The following ATP10B variants were observed in gnomAD, a reference collection of about 807,000 sequenced individuals.
ATP10B encodes the protein ATPase phospholipid transporting 10B (putative).
A neutral mutation model predicts 141.2 loss-of-function variants in ATP10B; 122 were observed. The ratio of observed to expected loss-of-function variants is 0.86; its 90% CI spans 0.75 to 1.00. The LOEUF (loss-of-function observed/expected upper bound fraction) is 1.00. Ranked by LOEUF, ATP10B falls within the 50% of genes least tolerant of loss-of-function variation. ATP10B has a pLI of 0.00. For missense variants in ATP10B, 1,876 were observed against 1,825.3 expected, an observed-to-expected ratio of 1.03 and a Z score of -0.51; for synonymous variants, 685 against 692.0, an observed-to-expected ratio of 0.99 and a Z score of 0.16.
In ATP10B at chr5:160,599,088, G is replaced by T. The variant is rs537902467; in HGVS notation, c.3364-118C>A. The stretch of plus-strand genomic sequence containing the variant: ...AGTTGCCTCATTTATAACACACAGG[G>T]TTATGTAAGGATGAGAGAGAATTCT... On this transcript the variant is annotated intron_variant, in intron 21 of 25. Transcript: ENST00000327245. 10 of 789,450 alleles carry T rather than the reference G, an allele frequency of 1.3e-5. No individual in the cohort carries two copies. In the East Asian group the frequency reaches 2.1e-4, roughly 16 times the overall value. The allele number at this position is 789,450 out of a possible 1,614,324, so 48.9% of individuals were successfully genotyped here. A position where few individuals can be genotyped will look rare whatever the true frequency, so the allele number is the denominator to read the frequency against.
At chr5:160,884,443 ATATT>A in the ATP10B span, among the ~76,000 whole-genome samples, 11 of 152,186 alleles carry the variant, frequency 7.2e-5, no homozygotes, top group Admixed American at 7.2e-4. Flanking sequence ...AAATAATATC[ATATT>A]TATGTCTATA....
intron 1 of ATP10B, among the ~76,000 whole-genome samples, chr5:160,806,454 G>A (rs1247947576): frequency 1.3e-5 from 2 of 152,166 alleles, no homozygotes; most frequent in African/African-American, 4.8e-5. Context: ...ACACACATAA[G>A]GTTATCCCCC....
rs770923554 is a variant in ATP10B at position 160,640,641 on chromosome 5, G to A, written c.869-49C>T. 1.9e-6 allele frequency: 3 copies of A among 1,595,594 alleles called. No homozygotes were observed. In the Admixed American group the frequency reaches 5.2e-5, roughly 27 times the overall value. The stretch of plus-strand genomic sequence containing the variant: ...AGTCCCTTAGTTCCTGTTTGCCTAT[G>A]TCTTACACCATTCCCTCAGCTCTTC... On this transcript the variant is annotated intron_variant, in intron 9 of 25. Coordinates refer to ENST00000327245, the MANE Select transcript of ATP10B (RefSeq NM_025153.3).
At chr5:160,873,123 G>GT in the ATP10B span, among the ~76,000 whole-genome samples, 1,841 of 91,370 alleles carry the variant, frequency 0.02, 41 homozygotes, top group Middle Eastern at 0.054. Context: ...GGTTTTTTTT[G>GT]TTTTTTTTTT....
Position 160,632,211 on chromosome 5 carries a change from A to AC in ATP10B, c.1537dup (p.Val513GlyfsTer16). ...TTGCCGGTAGTGGCCCTGGATGGGC[A>AC]CCCGGGCACTCTGGCTCCTCCTCAG... On this transcript the variant is annotated frameshift_variant, in exon 13 of 26. Coordinates refer to ENST00000327245, the MANE Select transcript of ATP10B (RefSeq NM_025153.3). LOFTEE classifies it high-confidence loss of function. 1 of 1,614,112 alleles carries AC rather than the reference A, an allele frequency of 6.2e-7. No homozygotes were observed. The highest frequency in any genetic ancestry group is 8.5e-7 in the Non-Finnish European group (1 of 1,180,004).
rs574902928 is a variant in ATP10B, at chr5:160,805,013, T to A, written c.-575-19210A>T. On this transcript the variant is annotated intron_variant, in intron 1 of 25. Coordinates refer to ENST00000327245, the MANE Select transcript of ATP10B (RefSeq NM_025153.3). ...AAATATTGTATTTTCAATTTGTATT[T>A]GGCCAAAAAAAAGCTGTGCATACAT... is the stretch of plus-strand genomic sequence containing the variant. Among the ~76,000 whole-genome samples, 41 of 152,286 alleles carry A rather than the reference T, an allele frequency of 2.7e-4. 1 individual carries two copies. The highest frequency in any genetic ancestry group is 5.0e-4 in the Non-Finnish European group (34 of 68,020).
At chr5:160,645,960 C>CTTAATATCTTTT (rs1760249409) in intron 8 of ATP10B, among the ~76,000 whole-genome samples, 1 of 152,186 alleles carries the variant, frequency 6.6e-6, no homozygotes, top group African/African-American at 2.4e-5. Flanking sequence ...GAGTGCTATA[C>CTTAATATCTTTT]TGCCACTCAA....
At chr5:160,652,962 CATGT>C (rs1760977865) in intron 7 of ATP10B, among the ~76,000 whole-genome samples, 1 of 70,804 alleles carries the variant, frequency 1.4e-5, no homozygotes. Flanking sequence ...ATTATATATA[CATGT>C]ATATATAATA....
At chr5:160,732,154 A>T (rs1395967808) in intron 2 of ATP10B, among the ~76,000 whole-genome samples, 1 of 152,230 alleles carries the variant, frequency 6.6e-6, no homozygotes, top group Non-Finnish European at 1.5e-5. Flanking sequence ...GAATGAAAAG[A>T]TTAAAAATAT....
chr5:160,794,562 G>A (rs1316859410), intron 1 of ATP10B, among the ~76,000 whole-genome samples: 3 of 152,184 alleles, frequency 2.0e-5, no homozygotes, highest in Non-Finnish European at 4.4e-5. Context: ...TAATCCTGGA[G>A]TAAACTGTGG....
chr5:160,774,455 T>C (rs113048029), intron 2 of ATP10B, among the ~76,000 whole-genome samples: 61 of 152,290 alleles, frequency 4.0e-4, no homozygotes, highest in African/African-American at 1.4e-3. Context: ...ACGGGTAAAA[T>C]GAGTTAAAAA....
In ATP10B at chr5:160,653,799, G is replaced by A. The variant is rs182275081; in HGVS notation, c.676-4543C>T. 8.8e-3 allele frequency among the ~76,000 whole-genome samples: 956 copies of A among 108,588 alleles called. 58 individuals carry two copies. In the Admixed American group the frequency reaches 0.091, roughly 10 times the overall value. 71.2% of individuals were successfully genotyped at this position (108,588 alleles called of 152,430 possible). On this transcript the variant is annotated intron_variant, in intron 7 of 25. Transcript: ENST00000327245. Reference sequence around the variant, plus strand: ...ATATATACATATATATTATATAGACGTATATACATATATATTATATAGACG... The same window carrying A: ...ATATATACATATATATTATATAGACATATATACATATATATTATATAGACG...
At chr5:160,848,722 TG>T (rs1753595248) in intron 1 of ATP10B, among the ~76,000 whole-genome samples, 1 of 152,130 alleles carries the variant, frequency 6.6e-6, no homozygotes, top group Admixed American at 6.6e-5. Flanking sequence ...AGATTAGCAA[TG>T]GGTAGAGAGG....
At chr5:160,862,534 C>T in the ATP10B span, among the ~76,000 whole-genome samples, 4 of 151,960 alleles carry the variant, frequency 2.6e-5, no homozygotes, top group African/African-American at 9.7e-5. Flanking sequence ...GTGGGGTCCT[C>T]AGCCCTTACT....
Position 160,634,478 on chromosome 5 carries a change from G to A in ATP10B, c.1257C>T (p.Asn419=). 6.2e-7 allele frequency: 1 copy of A among 1,614,206 alleles called. No homozygotes were observed. Among genetic ancestry groups the A allele is most frequent in the Non-Finnish European group, 8.5e-7 (1 of 1,180,040 alleles). The change falls in exon 12 of 26, where the codon AAC becomes AAT. Residue 419 remains asparagine, a synonymous_variant. Coordinates refer to ENST00000327245, the MANE Select transcript of ATP10B (RefSeq NM_025153.3). ...TDLSIQCRAL[N]IAEDLGQIQY... ...GGATCTGGCCCAAGTCCTCTGCGAT[G>A]TTGAGGGCTCGACATTGAATGGATA... is the stretch of plus-strand genomic sequence containing the variant.
chr5:160,900,908 GTT>G, the ATP10B span, among the ~76,000 whole-genome samples: 9,919 of 88,646 alleles, frequency 0.11, 509 homozygotes, highest in Admixed American at 0.15. Flanking sequence ...GGGTAGAGAA[GTT>G]TTTTTTTTTT....
chr5:160,812,214 G>A (rs1460063351), intron 1 of ATP10B, among the ~76,000 whole-genome samples: 2 of 152,172 alleles, frequency 1.3e-5, no homozygotes, highest in African/African-American at 4.8e-5. Context: ...ATTGGGCTTT[G>A]GATGACCCTT....
intron 13 of ATP10B, among the ~76,000 whole-genome samples, chr5:160,623,996 C>T (rs1758488207): frequency 6.6e-6 from 1 of 152,158 alleles, no homozygotes; most frequent in African/African-American, 2.4e-5. Context: ...TCAACAAATG[C>T]CAGCTCTCAA....
chr5:160,767,028 T>TTTGGCTTCGC (rs2127848582), intron 2 of ATP10B, among the ~76,000 whole-genome samples: 1 of 152,200 alleles, frequency 6.6e-6, no homozygotes, highest in African/African-American at 2.4e-5. Flanking sequence ...TGTCAAATCT[T>TTTGGCTTCGC]TTGGCTTCGC....
Sources: gnomAD v4.1 joint callset for allele counts (sites outside exome capture counted in the v4.1 genomes callset) on GRCh38, gnomAD v4.1.1 for gene constraint, MANE v1.5 for transcripts, NCBI Gene and HGNC (gene_info 2026-07-23, HGNC 2026-07-21) for gene names.